HERC5: variants seen among roughly 807,000 people sequenced by gnomAD.
The protein encoded by HERC5 is E3 ISG15--protein ligase HERC5.
A neutral mutation model predicts 119.6 loss-of-function variants in HERC5; 99 were observed. The ratio of observed to expected loss-of-function variants is 0.83; its 90% CI spans 0.70 to 0.98. The LOEUF is 0.98. Among genes scored for constraint, HERC5 ranks in the 50% least tolerant of loss-of-function variants. The pLI is 0.00. For synonymous variants in HERC5, 478 were observed against 445.9 expected (o/e 1.07, Z -0.91); for missense variants, 1,267 against 1,241.3 (o/e 1.02, Z -0.31).
chr4:88,466,264 T>G (rs747213664), intron 6 of HERC5, among the ~76,000 whole-genome samples: 1 of 152,118 alleles, frequency 6.6e-6, no homozygotes, highest in Non-Finnish European at 1.5e-5. Flanking sequence ...AAATTTGTTG[T>G]AGAGATAGGG....
chr4:88,505,803 C>T lies in HERC5; in HGVS notation c.3000C>T (p.Leu1000=). 6.2e-7 allele frequency: 1 copy of T among 1,613,808 alleles called. No individual in the cohort carries two copies. Among genetic ancestry groups the T allele is most frequent in the Non-Finnish European group, 8.5e-7 (1 of 1,179,762 alleles). Residue 1000 remains leucine, a synonymous_variant, in exon 23 of 23, where the codon CTC becomes CTT. Coordinates refer to ENST00000264350, the MANE Select transcript of HERC5 (RefSeq NM_016323.4). ...RALTCFSVLF[L]PKYSTMETVE... is the part of the protein sequence containing the mutation. ...TGACATGTTTCAGTGTCCTCTTCCT[C>T]CCTAAATATTCTACAATGGAAACAG...
intron 16 of HERC5, among the ~76,000 whole-genome samples, chr4:88,489,568 C>T (rs564152522): frequency 6.6e-5 from 10 of 152,158 alleles, no homozygotes; most frequent in Non-Finnish European, 1.5e-4. Context: ...TCCCCACACC[C>T]TGCTCAGGTA....
chr4:88,457,342 C>T lies in HERC5; in HGVS notation c.73C>T (p.Pro25Ser), dbSNP rs756320554. The T allele has an allele frequency of 1.6e-5, 23 of 1,414,212 alleles. No homozygotes were observed. The Admixed American group carries it at 1.7e-4, about 11-fold the overall frequency. The allele number at this position is 1,414,212 out of a possible 1,614,324, so 87.6% of individuals were successfully genotyped here. A position where few individuals can be genotyped will look rare whatever the true frequency, so the allele number is the denominator to read the frequency against. The change falls in exon 1 of 23, where the codon CCC becomes TCC. Residue 25 changes from proline to serine, a missense_variant. By Grantham distance (74) the Pro-to-Ser change is moderately conservative. Coordinates refer to ENST00000264350, the MANE Select transcript of HERC5 (RefSeq NM_016323.4). The stretch of plus-strand genomic sequence containing the variant: ...CGCGGGCAAGGCCGCCGCGACCCAG[C>T]CCGCGAAGTCTCCGGGCGCACAGCT... Reference protein sequence around the residue: ...STAGKAAATQPAKSPGAQLWL... With the variant: ...STAGKAAATQSAKSPGAQLWL...
chr4:88,490,858 T>C (rs1200526771), intron 16 of HERC5, among the ~76,000 whole-genome samples: 1 of 151,978 alleles, frequency 6.6e-6, no homozygotes. Flanking sequence ...GAAAAAAATA[T>C]ATATATTGCA....
At chr4:88,505,631 C>A in intron 22 of HERC5, 42 bp from the exon 23 acceptor site, 1 of 1,170,604 alleles carries the variant, frequency 8.5e-7, no homozygotes, top group Non-Finnish European at 1.2e-6. Flanking sequence ...AGATTTTGGT[C>A]TCCATGTAAA....
chr4:88,484,458 T>G (rs1055781401), intron 13 of HERC5, among the ~76,000 whole-genome samples: 1 of 152,222 alleles, frequency 6.6e-6, no homozygotes, highest in Non-Finnish European at 1.5e-5. Flanking sequence ...ACCAGTTTGG[T>G]AGTACTTTAC....
At position 88,504,545 on chromosome 4, in the gene HERC5, G is replaced by C. The variant is rs1456953443; in HGVS notation, c.2817G>C (p.Met939Ile). 4 of 1,576,078 alleles carry C rather than the reference G, an allele frequency of 2.5e-6. No homozygotes were observed. In the East Asian group the frequency reaches 9.0e-5, roughly 35 times the overall value. ...ACAGTTCACATCCCACCATAGTGAT[G>C]TTTTGGAAGGCTTTCCACAAATTGA... The part of the protein sequence containing the change: ...GYNSSHPTIV[M>I]FWKAFHKLTL... The change falls in exon 22 of 23, where the codon ATG (methionine) becomes ATC (isoleucine). Residue 939 changes from methionine to isoleucine, a missense_variant. Met to Ile is a conservative substitution (Grantham distance 10, BLOSUM62 1). This residue lies in a region of HERC5 where 473 missense variants were observed against 445.7 expected (regional missense o/e 1.06). Coordinates refer to ENST00000264350, the MANE Select transcript of HERC5 (RefSeq NM_016323.4).
chr4:88,499,824 C>A, intron 18 of HERC5, 102 bp from the exon 19 acceptor site: 1 of 794,456 alleles, frequency 1.3e-6, no homozygotes, highest in Non-Finnish European at 2.2e-6. Flanking sequence ...TATACCTGAC[C>A]TCATACCTTC....
intron 6 of HERC5, 145 bp downstream of exon 6, chr4:88,464,130 TG>T: frequency 5.2e-6 from 3 of 574,066 alleles, no homozygotes; most frequent in Non-Finnish European, 8.2e-6. Context: ...TTTAGATAAA[TG>T]TAATACCCCT....
rs749818689 is a variant in HERC5 at position 88,462,234 on chromosome 4, C to G, written c.566C>G (p.Ala189Gly). The stretch of plus-strand genomic sequence containing the variant: ...ACACCACAGATTGTGGAGCACCTCG[C>G]AGGAGTACCCTTGGCTCAGATTTCT... ...TTTPQIVEHL[A>G]GVPLAQISAG... The change falls in exon 4 of 23, where the codon GCA becomes GGA. Residue 189 changes from alanine to glycine, a missense_variant. Transcript: ENST00000264350. 6.2e-7 allele frequency: 1 copy of G among 1,614,164 alleles called. No homozygotes were observed. The highest frequency in any genetic ancestry group is 1.1e-5 in the South Asian group (1 of 91,076).
intron 13 of HERC5, among the ~76,000 whole-genome samples, chr4:88,485,210 C>T (rs556925278): frequency 5.3e-4 from 81 of 152,214 alleles, no homozygotes; most frequent in African/African-American, 1.8e-3. Flanking sequence ...CAGGGGATCC[C>T]GCTTTGTCCT....
intron 1 of HERC5, chr4:88,457,856 C>A: frequency 2.0e-6 from 2 of 993,950 alleles, no homozygotes; most frequent in East Asian, 5.0e-5. Context: ...TTTGTACCCC[C>A]GTCCCCCGCC....
At chr4:88,488,727 C>A (rs1200519666) in intron 15 of HERC5, among the ~76,000 whole-genome samples, 1 of 151,782 alleles carries the variant, frequency 6.6e-6, no homozygotes, top group Non-Finnish European at 1.5e-5. Flanking sequence ...TCTCTCATAA[C>A]CTGGATTTTT....
At chr4:88,461,489 G>C (rs1740442265) in intron 3 of HERC5, among the ~76,000 whole-genome samples, 1 of 152,170 alleles carries the variant, frequency 6.6e-6, no homozygotes, top group African/African-American at 2.4e-5. Flanking sequence ...GAGAGGCTCT[G>C]CTTCCCACCA....
At chr4:88,493,259 A>G in intron 17 of HERC5, 104 bp downstream of exon 17, 4 of 940,740 alleles carry the variant, frequency 4.3e-6, no homozygotes, top group Non-Finnish European at 1.6e-6. Flanking sequence ...GAAGAGGAGT[A>G]TTGATATAAT....
chr4:88,462,483 C>A, intron 4 of HERC5, 127 bp downstream of exon 4: 1 of 766,848 alleles, frequency 1.3e-6, no homozygotes, highest in Non-Finnish European at 2.2e-6. Flanking sequence ...GATTACCTCT[C>A]TGTCTTCAGG....
intron 19 of HERC5, among the ~76,000 whole-genome samples, 164 bp from the exon 20 acceptor site, chr4:88,500,751 G>A (rs1235289771): frequency 6.6e-6 from 1 of 152,210 alleles, no homozygotes; most frequent in Non-Finnish European, 1.5e-5. Context: ...TATTCAGTAT[G>A]ATAGGGTGTA....
chr4:88,486,992 G>A, intron 14 of HERC5, 77 bp from the exon 15 acceptor site: 1 of 913,412 alleles, frequency 1.1e-6, no homozygotes. Flanking sequence ...AACCATCAGG[G>A]ATGTAAGGCT....
intron 13 of HERC5, among the ~76,000 whole-genome samples, chr4:88,484,145 T>C (rs558574395): frequency 2.0e-4 from 31 of 152,366 alleles, no homozygotes; most frequent in African/African-American, 7.0e-4. Flanking sequence ...GTAATGTTTT[T>C]CATTTCTAGA....
Sources: gnomAD v4.1 joint callset for allele counts (sites outside exome capture counted in the v4.1 genomes callset) on GRCh38, gnomAD v4.1.1 for gene constraint, gnomAD v4.1.1 regional missense constraint, MANE v1.5 for transcripts, NCBI Gene and HGNC (gene_info 2026-07-23, HGNC 2026-07-21) for gene names.